The following FRMD4A variants were observed in gnomAD, a reference collection of about 807,000 sequenced individuals.
FRMD4A encodes FERM domain-containing protein 4A.
FRMD4A carries 29 observed loss-of-function variants against 129.1 expected under a neutral mutation model. The observed-to-expected ratio is 0.22, with a 90% CI of 0.17 to 0.31. The LOEUF is 0.31. Among genes scored for constraint, FRMD4A ranks in the 10% least tolerant of loss-of-function variants. The pLI is 1.00. For synonymous variants in FRMD4A, 634 were observed against 571.6 expected (o/e 1.11, Z -1.56); for missense variants, 1,272 against 1,375.8 (o/e 0.92, Z 1.19).
At chr10:14,167,772 G>A (rs1478136307) in intron 2 of FRMD4A, among the ~76,000 whole-genome samples, 1 of 152,086 alleles carries the variant, frequency 6.6e-6, no homozygotes, top group African/African-American at 2.4e-5. Flanking sequence ...TGGCCTTAGA[G>A]TCAGCAGGGT....
intron 2 of FRMD4A, among the ~76,000 whole-genome samples, chr10:14,048,523 G>A (rs1463239664): frequency 6.6e-6 from 1 of 152,088 alleles, no homozygotes; most frequent in Non-Finnish European, 1.5e-5. Context: ...TATGGTGGGT[G>A]GGCCGGGTGT....
intron 2 of FRMD4A, among the ~76,000 whole-genome samples, chr10:14,086,203 TTAAC>T (rs1049997765): frequency 9.2e-5 from 14 of 152,212 alleles, no homozygotes; most frequent in Non-Finnish European, 2.1e-4. Context: ...AATTATCTGT[TTAAC>T]TAAAGGCTAA....
intron 2 of FRMD4A, among the ~76,000 whole-genome samples, chr10:14,010,545 C>A (rs1234385581): frequency 1.3e-5 from 2 of 150,866 alleles, no homozygotes; most frequent in Middle Eastern, 3.4e-3. Context: ...GAGTAGGTGA[C>A]CCCCTCCTTG....
chr10:14,008,146 C>T lies in FRMD4A; in HGVS notation c.46-149234G>A, dbSNP rs1221138420. On this transcript the variant is annotated intron_variant, in intron 2 of 24. Transcript: ENST00000357447. ...CTATTCGGAGCCACTGCAGCCTGAA[C>T]CACCATGGTGTACAGCTGTGTGTGT... 2.4e-6 allele frequency: 3 copies of T among 1,275,454 alleles called. No homozygotes were observed. In the African/African-American group the frequency reaches 5.2e-5, roughly 22 times the overall value. The allele number at this position is 1,275,454 out of a possible 1,614,324, so 79.0% of individuals were successfully genotyped here.
intron 2 of FRMD4A, among the ~76,000 whole-genome samples, chr10:14,123,938 G>C (rs7097563): frequency 2.4e-4 from 36 of 152,204 alleles, no homozygotes; most frequent in African/African-American, 6.5e-4. Flanking sequence ...AACTCATTCT[G>C]CAACCCATTT....
At chr10:14,253,394 G>GT (rs1441877842) in intron 2 of FRMD4A, among the ~76,000 whole-genome samples, 4 of 152,136 alleles carry the variant, frequency 2.6e-5, no homozygotes, top group African/African-American at 9.7e-5. Flanking sequence ...TTTCATATAG[G>GT]TTTTTTTGTG....
At chr10:14,083,193 C>A (rs1045846367) in intron 2 of FRMD4A, 1 of 152,158 alleles carries the variant, frequency 6.6e-6, no homozygotes, top group Non-Finnish European at 1.5e-5. Context: ...TGAAAAAAGG[C>A]CATTGTAGTG....
At chr10:14,293,452 A>T (rs762429869) in intron 2 of FRMD4A, among the ~76,000 whole-genome samples, 1 of 152,216 alleles carries the variant, frequency 6.6e-6, no homozygotes, top group Admixed American at 6.5e-5. Flanking sequence ...ATGGACTAAG[A>T]CATACAACAA....
chr10:13,943,646 C>CAAAAAAAAAAAAAAAAAAAAAAAAAAAA (rs55774636), intron 2 of FRMD4A, among the ~76,000 whole-genome samples: 6 of 58,266 alleles, frequency 1.0e-4, no homozygotes, highest in Admixed American at 5.3e-4. Flanking sequence ...GACTCTGTCT[C>CAAAAAAAAAAAAAAAAAAAAAAAAAAAA]AAAAAAAAAA....
At chr10:13,971,682 A>G (rs1324054263) in intron 2 of FRMD4A, 2 of 1,304,172 alleles carry the variant, frequency 1.5e-6, no homozygotes. Context: ...GAGATGCACC[A>G]TGGTTTTAGC....
intron 2 of FRMD4A, among the ~76,000 whole-genome samples, chr10:14,220,807 TGTGTTTG>T (rs774795430): frequency 0.39 from 40,605 of 103,246 alleles, 5,579 homozygotes; most frequent in Admixed American, 0.47. Context: ...TGTGTGTGTG[TGTGTTTG>T]TGTGTGTGTG....
intron 2 of FRMD4A, among the ~76,000 whole-genome samples, chr10:14,204,996 A>G (rs1237851284): frequency 6.6e-6 from 1 of 150,658 alleles, no homozygotes; most frequent in Non-Finnish European, 1.5e-5. Flanking sequence ...TCTCCACCCC[A>G]CGTGTCTCTG....
In FRMD4A at chr10:14,112,769, G is replaced by A. The variant is rs181399059; in HGVS notation, c.45+217289C>T. 2.4e-3 allele frequency among the ~76,000 whole-genome samples: 372 copies of A among 152,246 alleles called. 3 individuals are homozygous for A. Among genetic ancestry groups the A allele is most frequent in the African/African-American group, 8.5e-3 (355 of 41,544 alleles). On this transcript the variant is annotated intron_variant, in intron 2 of 24. Coordinates refer to ENST00000357447, the MANE Select transcript of FRMD4A (RefSeq NM_018027.5). ...TTGAACTCCTGACCTCAGGTGATCC[G>A]CCTTCCTCGGCCTCTCAAAGTGCTG...
At chr10:13,703,098 C>A (rs958905869) in intron 13 of FRMD4A, among the ~76,000 whole-genome samples, 5 of 151,886 alleles carry the variant, frequency 3.3e-5, no homozygotes, top group African/African-American at 1.2e-4. Context: ...AAATGAATGA[C>A]TTTTTTTTCC....
intron 8 of FRMD4A, among the ~76,000 whole-genome samples, chr10:13,749,408 A>G (rs1588545477): frequency 6.6e-6 from 1 of 152,284 alleles, no homozygotes; most frequent in African/African-American, 2.4e-5. Context: ...ATAACTCTGA[A>G]GGAAGGAAGG....
At chr10:13,745,923 G>A (rs1459558536) in intron 9 of FRMD4A, among the ~76,000 whole-genome samples, 4 of 152,168 alleles carry the variant, frequency 2.6e-5, no homozygotes, top group African/African-American at 9.7e-5. Flanking sequence ...ACAAGGAAAC[G>A]GGACCATCAT....
intron 2 of FRMD4A, among the ~76,000 whole-genome samples, chr10:14,264,418 C>A (rs1844908320): frequency 6.6e-6 from 1 of 152,190 alleles, no homozygotes; most frequent in Non-Finnish European, 1.5e-5. Flanking sequence ...ACAACAACAA[C>A]AAAAGTGACT....
At chr10:13,687,184 G>A (rs1284696081) in intron 15 of FRMD4A, among the ~76,000 whole-genome samples, 3 of 152,144 alleles carry the variant, frequency 2.0e-5, no homozygotes, top group African/African-American at 7.2e-5. Flanking sequence ...AGTCCCAGCT[G>A]CTCAGGAGGC....
At chr10:14,107,544 C>T (rs1488399566) in intron 2 of FRMD4A, among the ~76,000 whole-genome samples, 1 of 152,186 alleles carries the variant, frequency 6.6e-6, no homozygotes, top group East Asian at 1.9e-4. Context: ...AGCCAAAGCT[C>T]ATAGCTTCTA....
Sources: allele counts gnomAD v4.1 joint callset (sites outside exome capture counted in the v4.1 genomes callset), GRCh38; gene constraint gnomAD v4.1.1; transcripts MANE v1.5; gene names NCBI Gene and HGNC (gene_info 2026-07-23, HGNC 2026-07-21).